MAF: variants seen among roughly 807,000 people sequenced by gnomAD.
MAF encodes the protein transcription factor Maf.
In MAF, 10 loss-of-function variants were observed where a neutral mutation model predicts 22.0. The observed-to-expected ratio is 0.45, with a 90% CI of 0.28 to 0.77. The LOEUF (loss-of-function observed/expected upper bound fraction) is 0.77. Among genes scored for constraint, MAF ranks in the 30% least tolerant of loss-of-function variants. The probability of loss-of-function intolerance (pLI) is 0.12; values close to 1 mark genes in which losing one functional copy is unlikely to be tolerated. For synonymous variants in MAF, 337 were observed against 255.8 expected, an observed-to-expected ratio of 1.32 and a Z score of -3.03; for missense variants, 544 against 548.4, an observed-to-expected ratio of 0.99 and a Z score of 0.08.
the MAF span, among the ~76,000 whole-genome samples, chr16:79,408,797 A>G: frequency 1.3e-5 from 2 of 152,210 alleles, no homozygotes; most frequent in South Asian, 4.1e-4. Flanking sequence ...AGGATACAGA[A>G]AAGAATAAGG....
chr16:79,534,736 T>C, the MAF span, among the ~76,000 whole-genome samples: 1 of 151,962 alleles, frequency 6.6e-6, no homozygotes, highest in South Asian at 2.1e-4. Flanking sequence ...TAAAGTATAA[T>C]TTAAAAAAAA....
the MAF span, among the ~76,000 whole-genome samples, chr16:79,372,380 T>C: frequency 6.6e-6 from 1 of 152,178 alleles, no homozygotes; most frequent in African/African-American, 2.4e-5. Flanking sequence ...ACCCACTGAA[T>C]AGGGATAAAT....
chr16:79,504,542 T>C, the MAF span, among the ~76,000 whole-genome samples: 2 of 152,180 alleles, frequency 1.3e-5, no homozygotes, highest in African/African-American at 4.8e-5. Context: ...ATAAAACAAT[T>C]ACCCAATAAT....
chr16:79,517,180 C>A, the MAF span, among the ~76,000 whole-genome samples: 6 of 152,160 alleles, frequency 3.9e-5, no homozygotes, highest in Non-Finnish European at 5.9e-5. Flanking sequence ...AATCTTCATT[C>A]CTTGGCTCTG....
chr16:79,469,153 T>A, the MAF span, among the ~76,000 whole-genome samples: 3 of 152,178 alleles, frequency 2.0e-5, no homozygotes, highest in Non-Finnish European at 4.4e-5. Context: ...TCCAGCCCAC[T>A]GCCCATTTTT....
chr16:79,403,311 G>A, the MAF span, among the ~76,000 whole-genome samples: 9 of 152,230 alleles, frequency 5.9e-5, no homozygotes, highest in African/African-American at 1.9e-4. Flanking sequence ...GGGGCTCAGT[G>A]TATGCTGAGC....
chr16:79,490,170 A>AC, the MAF span, among the ~76,000 whole-genome samples: 2 of 152,188 alleles, frequency 1.3e-5, no homozygotes, highest in Admixed American at 6.5e-5. Flanking sequence ...CCATCAGGGA[A>AC]CCCTAATGTT....
chr16:79,464,217 T>TAG, the MAF span, among the ~76,000 whole-genome samples: 1 of 152,176 alleles, frequency 6.6e-6, no homozygotes, highest in East Asian at 1.9e-4. Flanking sequence ...ACAGGGCTTT[T>TAG]GCAGACACCA....
the MAF span, among the ~76,000 whole-genome samples, chr16:79,394,696 C>T: frequency 2.6e-5 from 4 of 152,152 alleles, no homozygotes; most frequent in Admixed American, 6.5e-5. Flanking sequence ...ACACTGGAAT[C>T]GCTGGGGCAC....
chr16:79,390,875 G>A, the MAF span, among the ~76,000 whole-genome samples: 10 of 152,174 alleles, frequency 6.6e-5, no homozygotes, highest in African/African-American at 1.4e-4. Context: ...ACACCTGGGC[G>A]TTGGACCATG....
At chr16:79,420,505 C>CA in the MAF span, among the ~76,000 whole-genome samples, 2 of 152,036 alleles carry the variant, frequency 1.3e-5, no homozygotes, top group African/African-American at 2.4e-5. Flanking sequence ...CAAAATAGAA[C>CA]AAAAAATAGA....
At chr16:79,302,114 G>A in the MAF span, among the ~76,000 whole-genome samples, 1 of 152,206 alleles carries the variant, frequency 6.6e-6, no homozygotes, top group Non-Finnish European at 1.5e-5. Flanking sequence ...TCCTACACCT[G>A]GGGTCTCAGT....
At chr16:79,474,228 G>A in the MAF span, among the ~76,000 whole-genome samples, 2 of 152,176 alleles carry the variant, frequency 1.3e-5, no homozygotes, top group Admixed American at 6.5e-5. Flanking sequence ...TGGCATAGAA[G>A]AAAATGATCC....
chr16:79,322,730 G>C, the MAF span, among the ~76,000 whole-genome samples: 1 of 152,052 alleles, frequency 6.6e-6, no homozygotes, highest in Admixed American at 6.6e-5. Context: ...TGGACTTGAA[G>C]GTCGTGGCAG....
the MAF span, among the ~76,000 whole-genome samples, chr16:79,474,955 A>G: frequency 5.9e-5 from 9 of 152,344 alleles, no homozygotes; most frequent in South Asian, 1.9e-3. Flanking sequence ...AATCCAACAG[A>G]GATCAAAGAA....
At chr16:79,326,673 C>T in the MAF span, among the ~76,000 whole-genome samples, 107,174 of 152,146 alleles carry the variant, frequency 0.7, 38,011 homozygotes, top group South Asian at 0.81. Context: ...TCTGCAGTTC[C>T]AGCAGGAAAG....
At chr16:79,223,310 C>A in the MAF span, among the ~76,000 whole-genome samples, 1 of 152,250 alleles carries the variant, frequency 6.6e-6, no homozygotes, top group Admixed American at 6.5e-5. Flanking sequence ...TTCTTTCAAA[C>A]CAATGAGAAC....
chr16:79,503,023 G>C, the MAF span, among the ~76,000 whole-genome samples: 3 of 151,904 alleles, frequency 2.0e-5, no homozygotes, highest in African/African-American at 7.3e-5. Context: ...GTAAAAATCA[G>C]TAAACTATCT....
At chr16:79,367,206 A>T in the MAF span, among the ~76,000 whole-genome samples, 2 of 152,120 alleles carry the variant, frequency 1.3e-5, no homozygotes, top group Non-Finnish European at 2.9e-5. Context: ...TGTCAATTCT[A>T]TGGGTGCTTG....
Sources: allele counts gnomAD v4.1 joint callset (sites outside exome capture counted in the v4.1 genomes callset), GRCh38; gene constraint gnomAD v4.1.1; transcripts MANE v1.5; gene names NCBI Gene and HGNC (gene_info 2026-07-23, HGNC 2026-07-21).